The following BICD1 variants were observed in gnomAD, a reference collection of about 807,000 sequenced individuals.
The protein encoded by BICD1 is BICD cargo adaptor 1.
BICD1 carries 35 observed loss-of-function variants against 92.5 expected under a neutral mutation model. That is an observed-to-expected ratio of 0.38 (90% confidence interval 0.29 to 0.50). The LOEUF (loss-of-function observed/expected upper bound fraction) is 0.50, where lower values mean the gene tolerates loss of function less well. BICD1 is among the 20% of genes least tolerant of loss of function. The pLI is 0.93. For synonymous variants in BICD1, 429 were observed against 465.1 expected (o/e 0.92, Z 1.00); for missense variants, 950 against 1,189.8 (o/e 0.80, Z 2.97).
chr12:32,283,570 G>C (rs1242019011), intron 2 of BICD1, among the ~76,000 whole-genome samples: 1 of 152,214 alleles, frequency 6.6e-6, no homozygotes, highest in Non-Finnish European at 1.5e-5. Context: ...TGCGATGATG[G>C]TGAAATCAAA....
At chr12:32,324,282 G>A (rs747783762) in intron 4 of BICD1, among the ~76,000 whole-genome samples, 5 of 151,158 alleles carry the variant, frequency 3.3e-5, no homozygotes, top group Non-Finnish European at 7.4e-5. Context: ...TTGAACCCGG[G>A]AGGCGGAGGT....
intron 1 of BICD1, among the ~76,000 whole-genome samples, chr12:32,132,070 C>T (rs1369250552): frequency 6.6e-6 from 1 of 151,948 alleles, no homozygotes; most frequent in African/African-American, 2.4e-5. Flanking sequence ...AATATTTGAG[C>T]AAGATGGGAA....
chr12:32,323,508 C>T (rs559336498), intron 4 of BICD1, among the ~76,000 whole-genome samples: 1 of 152,268 alleles, frequency 6.6e-6, no homozygotes, highest in South Asian at 2.1e-4. Context: ...ATGTTGGTCC[C>T]GAGATTTGAC....
chr12:32,331,059 C>CA (rs1555169518), intron 5 of BICD1, among the ~76,000 whole-genome samples: 2 of 151,858 alleles, frequency 1.3e-5, no homozygotes, highest in Non-Finnish European at 2.9e-5. Context: ...ACTTGAACCC[C>CA]GGGGGGCGGA....
chr12:32,272,729 G>C (rs1348239319), intron 2 of BICD1, among the ~76,000 whole-genome samples: 3 of 152,162 alleles, frequency 2.0e-5, no homozygotes, highest in Non-Finnish European at 4.4e-5. Context: ...GTGAGACCTG[G>C]CCTGCCACAA....
chr12:32,129,511 C>T (rs533791195), intron 1 of BICD1, among the ~76,000 whole-genome samples: 2 of 118,770 alleles, frequency 1.7e-5, no homozygotes, highest in African/African-American at 3.3e-5. Flanking sequence ...GGCGACAGAG[C>T]GAGATTCCAT....
chr12:32,265,718 T>TAA (rs35399036), intron 2 of BICD1, among the ~76,000 whole-genome samples: 66,752 of 140,388 alleles, frequency 0.48, 16,288 homozygotes, highest in East Asian at 0.65. Context: ...AGATCCTATT[T>TAA]AAAAAAAAAA....
chr12:32,207,525 A>C (rs1372506617), intron 1 of BICD1, among the ~76,000 whole-genome samples: 1 of 152,224 alleles, frequency 6.6e-6, no homozygotes, highest in Non-Finnish European at 1.5e-5. Context: ...TTTTTTTAAA[A>C]AAACATCTCA....
chr12:32,133,780 A>G (rs1942637289), intron 1 of BICD1, among the ~76,000 whole-genome samples: 1 of 140,980 alleles, frequency 7.1e-6, no homozygotes, highest in Non-Finnish European at 1.5e-5. Context: ...AATGGATGCC[A>G]GTTCTTTTTT....
At chr12:32,320,687 T>A (rs60162504) in intron 4 of BICD1, among the ~76,000 whole-genome samples, 37,608 of 151,028 alleles carry the variant, frequency 0.25, 5,006 homozygotes, top group East Asian at 0.59. Flanking sequence ...CTCAGTGAAA[T>A]AAAAAAAAAT....
In BICD1 at chr12:32,313,971, G is replaced by A. The variant is rs1236217845; in HGVS notation, c.1005+7849G>A. 1.3e-5 allele frequency among the ~76,000 whole-genome samples: 2 copies of A among 152,270 alleles called. No homozygotes were observed. Among genetic ancestry groups the A allele is most frequent in the East Asian group, 3.9e-4 (2 of 5,182 alleles). The stretch of plus-strand genomic sequence containing the variant: ...TGCACTCCAGCCTAGGTGAAAGAGC[G>A]TGACCCTATCAATAAATAAATAAAA... On this transcript the variant is annotated intron_variant, in intron 4 of 9. Coordinates refer to ENST00000652176, the MANE Select transcript of BICD1 (RefSeq NM_001714.4). The surrounding 1 kb of genome is among the most constrained non-coding windows in gnomAD (Gnocchi z 4.2).
chr12:32,145,033 C>A (rs1244574847), intron 1 of BICD1, among the ~76,000 whole-genome samples: 1 of 152,132 alleles, frequency 6.6e-6, no homozygotes, highest in African/African-American at 2.4e-5. Flanking sequence ...TAGAAAGAGA[C>A]CTGAGTGTCT....
intron 1 of BICD1, among the ~76,000 whole-genome samples, chr12:32,181,906 A>G (rs1944282202): frequency 6.6e-6 from 1 of 152,046 alleles, no homozygotes; most frequent in South Asian, 2.1e-4. Flanking sequence ...CAGGGAAAGA[A>G]GCAGTCAGCT....
chr12:32,107,965 C>CTG (rs1175226996), intron 1 of BICD1: 5 of 468,224 alleles, frequency 1.1e-5, no homozygotes, highest in Non-Finnish European at 2.0e-5. Context: ...AGGATTTAGA[C>CTG]TGTGTGGCAC....
chr12:32,322,398 G>A (rs61929083), intron 4 of BICD1, among the ~76,000 whole-genome samples: 3 of 152,112 alleles, frequency 2.0e-5, no homozygotes, highest in Non-Finnish European at 2.9e-5. Flanking sequence ...GATAGGGTGC[G>A]GGTGGTCTGG....
At chr12:32,161,599 C>G (rs1943604332) in intron 1 of BICD1, among the ~76,000 whole-genome samples, 1 of 152,108 alleles carries the variant, frequency 6.6e-6, no homozygotes. Flanking sequence ...ATTGTGAATT[C>G]TAGAAATGCC....
chr12:32,167,746 G>A (rs765197451), intron 1 of BICD1, among the ~76,000 whole-genome samples: 1 of 152,082 alleles, frequency 6.6e-6, no homozygotes, highest in South Asian at 2.1e-4. Context: ...GTGACCTACC[G>A]CGCCTGGCCT....
intron 3 of BICD1, among the ~76,000 whole-genome samples, chr12:32,302,337 C>A (rs1050786050): frequency 7.9e-5 from 12 of 152,196 alleles, no homozygotes; most frequent in African/African-American, 2.9e-4. Flanking sequence ...TCTATGGGCA[C>A]CCCTTGTGAT....
intron 2 of BICD1, among the ~76,000 whole-genome samples, chr12:32,267,412 T>C (rs986602920): frequency 5.9e-5 from 9 of 152,260 alleles, no homozygotes; most frequent in Non-Finnish European, 1.3e-4. Context: ...CTAGCACTTA[T>C]AATAGTGTGT....
Sources: allele counts gnomAD v4.1 joint callset (sites outside exome capture counted in the v4.1 genomes callset), GRCh38; gene constraint gnomAD v4.1.1; non-coding constraint Gnocchi (gnomAD v3.1); transcripts MANE v1.5; gene names NCBI Gene and HGNC (gene_info 2026-07-23, HGNC 2026-07-21).